Variants in PRKCH observed in about 807,000 individuals in gnomAD.
PRKCH encodes the protein protein kinase C eta type.
Under a neutral mutation model 82.5 loss-of-function variants are expected in PRKCH, and 28 were observed. The observed-to-expected ratio is 0.34, with a 90% CI of 0.25 to 0.47. The LOEUF (loss-of-function observed/expected upper bound fraction) is 0.47. Ranked by LOEUF, PRKCH falls within the 20% of genes least tolerant of loss-of-function variation. The pLI is 1.00. For synonymous variants in PRKCH, 322 were observed against 327.4 expected (o/e 0.98, Z 0.18); for missense variants, 705 against 881.8 (o/e 0.80, Z 2.54).
At chr14:61,398,828 AAG>A (rs201244349) in intron 2 of PRKCH, among the ~76,000 whole-genome samples, 2,570 of 152,344 alleles carry the variant, frequency 0.017, 34 homozygotes, top group Non-Finnish European at 0.023. Context: ...AAGTAAAGGA[AAG>A]AGAACCAAAG....
intron 2 of PRKCH, among the ~76,000 whole-genome samples, chr14:61,416,045 TTTCTTTTC>T (rs1332379048): frequency 1.5e-4 from 15 of 98,406 alleles, no homozygotes; most frequent in South Asian, 1.1e-3. Flanking sequence ...TTTCTTTTCT[TTTCTTTTC>T]TTTTTTTTTT....
intron 1 of PRKCH, among the ~76,000 whole-genome samples, chr14:61,376,942 G>A (rs2046435048): frequency 6.6e-6 from 1 of 152,158 alleles, no homozygotes; most frequent in Admixed American, 6.5e-5. Flanking sequence ...CCCCATGTTG[G>A]CAGGGTAAAT....
chr14:61,516,074 A>AAT (rs1164288452), intron 10 of PRKCH, among the ~76,000 whole-genome samples: 4 of 152,142 alleles, frequency 2.6e-5, no homozygotes, highest in Non-Finnish European at 5.9e-5. Context: ...TCAGGCTCTA[A>AAT]AGTCTGTGCC....
chr14:61,290,011 T>C (rs966391089), intron 1 of PRKCH, among the ~76,000 whole-genome samples: 2 of 152,026 alleles, frequency 1.3e-5, no homozygotes, highest in Non-Finnish European at 2.9e-5. Flanking sequence ...AGGAAAAATG[T>C]GTCCAGGCAC....
intron 2 of PRKCH, among the ~76,000 whole-genome samples, chr14:61,440,810 G>A: frequency 6.6e-6 from 1 of 152,088 alleles, no homozygotes; most frequent in Admixed American, 6.5e-5. Context: ...GGAGGTGGAG[G>A]TTGCAATGAG....
chr14:61,426,473 A>C (rs11621346), intron 2 of PRKCH, among the ~76,000 whole-genome samples: 37,227 of 152,176 alleles, frequency 0.24, 4,956 homozygotes, highest in East Asian at 0.43. Flanking sequence ...GCTCTTTCAC[A>C]AGTATGGACA....
intron 1 of PRKCH, among the ~76,000 whole-genome samples, chr14:61,295,853 A>T (rs958460754): frequency 6.6e-6 from 1 of 152,030 alleles, no homozygotes; most frequent in African/African-American, 2.4e-5. Context: ...TAAATAACTT[A>T]TATTTTCACC....
chr14:61,256,434 G>T (rs763059557), intron 1 of PRKCH, among the ~76,000 whole-genome samples: 2 of 152,178 alleles, frequency 1.3e-5, no homozygotes, highest in Non-Finnish European at 2.9e-5. Flanking sequence ...GGTGTGTTCT[G>T]TCATAGCTTT....
In PRKCH at chr14:61,210,140, ATATATATATATATATATATAT is replaced by A. The variant is rs2044561567; in HGVS notation, c.-19+22473_-19+22493del. On this transcript the variant is annotated intron_variant, in intron 1 of 3. Coordinates refer to the PRKCH transcript ENST00000555185. ...TATATATATATATATATATATATAT[ATATATATATATATATATATAT>A]AAATTAGCTTGGCATAGTGGCAGGC... Among the ~76,000 whole-genome samples the A allele has an allele frequency of 1.1e-3, 52 of 45,330 alleles. 1 individual carries two copies. In the Middle Eastern group the frequency reaches 0.024, roughly 21 times the overall value. The allele number at this position is 45,330 out of a possible 152,430, so 29.7% of individuals were successfully genotyped here. A position where few individuals can be genotyped will look rare whatever the true frequency, so the allele number is the denominator to read the frequency against.
At chr14:61,528,553 A>G (rs942522886) in intron 10 of PRKCH, among the ~76,000 whole-genome samples, 3 of 152,044 alleles carry the variant, frequency 2.0e-5, no homozygotes, top group Admixed American at 6.5e-5. Flanking sequence ...CATAAACACA[A>G]TCCCCGCCGT....
At chr14:61,466,771 C>T (rs756205141) in intron 9 of PRKCH, among the ~76,000 whole-genome samples, 1 of 152,220 alleles carries the variant, frequency 6.6e-6, no homozygotes, top group Middle Eastern at 3.4e-3. Flanking sequence ...CAGGACGCTC[C>T]GATGCCGGTC....
chr14:61,445,600 A>G, intron 3 of PRKCH, 92 bp from the exon 4 acceptor site: 3 of 1,101,324 alleles, frequency 2.7e-6, no homozygotes, highest in Non-Finnish European at 4.1e-6. Context: ...TTTTTCATAA[A>G]GGAGGAGAGG....
At chr14:61,390,399 A>G (rs2046658761) in intron 1 of PRKCH, among the ~76,000 whole-genome samples, 1 of 152,178 alleles carries the variant, frequency 6.6e-6, no homozygotes, top group Non-Finnish European at 1.5e-5. Context: ...AGTCCGACAC[A>G]GTGTCTCACG....
chr14:61,369,264 A>G (rs985392685), intron 1 of PRKCH, among the ~76,000 whole-genome samples: 2 of 152,054 alleles, frequency 1.3e-5, no homozygotes, highest in East Asian at 1.9e-4. Context: ...ATTCTGTTTC[A>G]GTCCCTGACT....
chr14:61,325,518 TC>T (rs1430445033), intron 1 of PRKCH, among the ~76,000 whole-genome samples: 1 of 152,202 alleles, frequency 6.6e-6, no homozygotes, highest in African/African-American at 2.4e-5. Context: ...CTGTGAAACT[TC>T]TATAAGAAAA....
intron 10 of PRKCH, among the ~76,000 whole-genome samples, chr14:61,519,830 CG>C (rs2042879363): frequency 6.7e-6 from 1 of 150,108 alleles, no homozygotes; most frequent in African/African-American, 2.5e-5. Flanking sequence ...ATGCCATCCA[CG>C]ACAATCATAG....
chr14:61,369,137 A>G (rs2046334383), intron 1 of PRKCH, among the ~76,000 whole-genome samples: 1 of 152,086 alleles, frequency 6.6e-6, no homozygotes, highest in South Asian at 2.1e-4. Flanking sequence ...CAGGTTTGTA[A>G]CCACTTTCAG....
intron 1 of PRKCH, among the ~76,000 whole-genome samples, chr14:61,190,672 CCA>C (rs2044401052): frequency 6.6e-6 from 1 of 152,176 alleles, no homozygotes; most frequent in African/African-American, 2.4e-5. Flanking sequence ...TGCTGTGTTT[CCA>C]CTCTAGGACC....
intron 1 of PRKCH, among the ~76,000 whole-genome samples, chr14:61,340,052 T>C (rs957962457): frequency 3.3e-5 from 5 of 152,020 alleles, no homozygotes; most frequent in African/African-American, 9.7e-5. Flanking sequence ...CTGTTGGCCT[T>C]GCCCACTATC....
Sources: allele counts gnomAD v4.1 joint callset (sites outside exome capture counted in the v4.1 genomes callset), GRCh38; gene constraint gnomAD v4.1.1; transcripts MANE v1.5; gene names NCBI Gene and HGNC (gene_info 2026-07-23, HGNC 2026-07-21).